Variants in DCC observed in about 807,000 individuals in gnomAD.
DCC encodes DCC netrin 1 receptor, also known as netrin receptor DCC.
In DCC, 58 loss-of-function variants were observed where a neutral mutation model predicts 172.5. That is an observed-to-expected ratio of 0.34 (90% confidence interval 0.27 to 0.42). The LOEUF (loss-of-function observed/expected upper bound fraction) is 0.42, where lower values mean the gene tolerates loss of function less well. DCC is among the 10% of genes least tolerant of loss of function. The probability of loss-of-function intolerance (pLI) is 1.00; values close to 1 mark genes in which losing one functional copy is unlikely to be tolerated. For synonymous variants in DCC, 709 were observed against 644.5 expected (o/e 1.10, Z -1.52); for missense variants, 1,740 against 1,791.0 (o/e 0.97, Z 0.51).
intron 1 of DCC, among the ~76,000 whole-genome samples, chr18:52,640,600 C>G (rs2034871424): frequency 6.6e-6 from 1 of 151,908 alleles, no homozygotes; most frequent in Non-Finnish European, 1.5e-5. Flanking sequence ...AGAACTCAAC[C>G]CTTTTTACAA....
chr18:52,612,776 G>A (rs1598957322), intron 1 of DCC, among the ~76,000 whole-genome samples: 1 of 152,282 alleles, frequency 6.6e-6, no homozygotes. Context: ...TATCTCATAA[G>A]TATATGTTGG....
At chr18:53,220,659 C>T (rs2055917900) in intron 12 of DCC, among the ~76,000 whole-genome samples, 1 of 152,216 alleles carries the variant, frequency 6.6e-6, no homozygotes, top group Non-Finnish European at 1.5e-5. Flanking sequence ...TTGACTCTCA[C>T]AAGCTTAACA....
chr18:52,752,903 T>C (rs542617195), intron 2 of DCC, among the ~76,000 whole-genome samples: 1 of 152,266 alleles, frequency 6.6e-6, no homozygotes, highest in African/African-American at 2.4e-5. Flanking sequence ...TCCTGTAGGT[T>C]CATCTATGTT....
In DCC at chr18:52,958,898, CG is replaced by C. The variant is rs1309113691; in HGVS notation, c.985+33531del. On this transcript the variant is annotated intron_variant, in intron 5 of 28. Coordinates refer to ENST00000442544, the MANE Select transcript of DCC (RefSeq NM_005215.4). ...GCAAGCTTGTCCAACCCACAGCCCG[CG>C]GGCCATATGCAGCCCAGGATGGCTT... 6.6e-5 allele frequency among the ~76,000 whole-genome samples: 10 copies of C among 152,244 alleles called. No individual in the cohort carries two copies. In the South Asian group the frequency reaches 1.7e-3, roughly 25 times the overall value.
intron 23 of DCC, among the ~76,000 whole-genome samples, chr18:53,454,884 A>G (rs1311679622): frequency 6.6e-6 from 1 of 152,180 alleles, no homozygotes; most frequent in East Asian, 1.9e-4. Flanking sequence ...AGACTTCATT[A>G]TATCTTAATT....
At chr18:53,402,968 C>A in intron 19 of DCC, 75 bp downstream of exon 19, 1 of 1,044,140 alleles carries the variant, frequency 9.6e-7, no homozygotes, top group Non-Finnish European at 1.5e-6. Flanking sequence ...ATGAGCTGCT[C>A]CTGCCTTTCG....
intron 1 of DCC, among the ~76,000 whole-genome samples, chr18:52,462,563 A>G (rs1988664981): frequency 6.6e-6 from 1 of 151,790 alleles, no homozygotes. Flanking sequence ...CTCAACTGTC[A>G]CTTTCTTTGT....
chr18:52,974,332 G>A (rs1307381698), intron 5 of DCC, among the ~76,000 whole-genome samples: 1 of 152,078 alleles, frequency 6.6e-6, no homozygotes, highest in East Asian at 1.9e-4. Flanking sequence ...GGAGATTGAG[G>A]CATGAAATAG....
chr18:52,644,436 G>C (rs1164998028), intron 1 of DCC, among the ~76,000 whole-genome samples: 1 of 152,044 alleles, frequency 6.6e-6, no homozygotes, highest in Non-Finnish European at 1.5e-5. Flanking sequence ...AACATTAGCT[G>C]GGCCTGGTGG....
chr18:52,700,308 G>C (rs67502388), intron 1 of DCC, among the ~76,000 whole-genome samples: 53,632 of 135,560 alleles, frequency 0.4, 10,435 homozygotes, highest in Non-Finnish European at 0.48. Flanking sequence ...ACACACACAT[G>C]CACACATGCA....
chr18:52,649,368 G>A (rs1178551612), intron 1 of DCC, among the ~76,000 whole-genome samples: 36 of 58,828 alleles, frequency 6.1e-4, no homozygotes, highest in East Asian at 5.3e-3. Flanking sequence ...GTGAGATTCC[G>A]TATCAAAAAA....
At chr18:53,047,428 CATATATATATATATATATATAT>C (rs58797605) in intron 5 of DCC, among the ~76,000 whole-genome samples, 11 of 50,050 alleles carry the variant, frequency 2.2e-4, no homozygotes, top group African/African-American at 6.0e-4. Context: ...ATATATTTTA[CATATATATATATATATATATAT>C]ATATATATAT....
intron 1 of DCC, among the ~76,000 whole-genome samples, chr18:52,605,904 GGTGA>G (rs2034122022): frequency 6.6e-6 from 1 of 152,038 alleles, no homozygotes; most frequent in Non-Finnish European, 1.5e-5. Context: ...GTTGAGGTTA[GGTGA>G]GTAATTGTCG....
chr18:52,788,420 C>T (rs1242440700), intron 2 of DCC, among the ~76,000 whole-genome samples: 3 of 152,154 alleles, frequency 2.0e-5, no homozygotes, highest in African/African-American at 7.2e-5. Flanking sequence ...CCTTACCTAT[C>T]TGTAAAGCAT....
chr18:52,550,830 A>C (rs937978574), intron 1 of DCC, among the ~76,000 whole-genome samples: 2 of 152,028 alleles, frequency 1.3e-5, no homozygotes, highest in Non-Finnish European at 2.9e-5. Context: ...AATGGGAGAA[A>C]ATAGGTGTGG....
intron 3 of DCC, among the ~76,000 whole-genome samples, chr18:52,906,658 T>C (rs1433862763): frequency 6.6e-6 from 1 of 152,116 alleles, no homozygotes. Flanking sequence ...TTTCCTCTGA[T>C]AACAGTCTAA....
At chr18:52,880,850 T>G (rs1396213731) in intron 2 of DCC, among the ~76,000 whole-genome samples, 1 of 152,180 alleles carries the variant, frequency 6.6e-6, no homozygotes, top group Non-Finnish European at 1.5e-5. Context: ...TTTGTTATAT[T>G]GATTTCCTTT....
chr18:52,502,777 AG>A (rs1239753855), intron 1 of DCC, among the ~76,000 whole-genome samples: 1 of 152,308 alleles, frequency 6.6e-6, no homozygotes. Context: ...ATATTCTAAA[AG>A]CCCCGAGGCG....
chr18:52,521,754 G>T (rs537399941), intron 1 of DCC, among the ~76,000 whole-genome samples: 1 of 152,082 alleles, frequency 6.6e-6, no homozygotes, highest in Admixed American at 6.6e-5. Context: ...TTTCTCCATA[G>T]GTTGTTTATT....
Sources: allele counts gnomAD v4.1 joint callset (sites outside exome capture counted in the v4.1 genomes callset), GRCh38; gene constraint gnomAD v4.1.1; transcripts MANE v1.5; gene names NCBI Gene and HGNC (gene_info 2026-07-23, HGNC 2026-07-21).